The following CSMD1 variants were observed in gnomAD, a reference collection of about 807,000 sequenced individuals.
CSMD1 encodes CUB and Sushi multiple domains 1, also known as CUB and sushi domain-containing protein 1.
CSMD1 carries 213 observed loss-of-function variants against 417.5 expected under a neutral mutation model. That is an observed-to-expected ratio of 0.51 (90% CI 0.46 to 0.57). The LOEUF is 0.57. CSMD1 is among the 20% of genes least tolerant of loss of function. The pLI, the probability that CSMD1 is intolerant of heterozygous loss-of-function variation, is 0.00. For synonymous variants in CSMD1, 2,862 were observed against 1,736.8 expected (o/e 1.65, Z -16.11); for missense variants, 6,923 against 4,529.7 (o/e 1.53, Z -15.17).
rs1800032074 is a variant in CSMD1 at position 4,592,310 on chromosome 8, G to C, written c.302+45032C>G. Among the ~76,000 whole-genome samples the C allele has an allele frequency of 1.3e-5, 2 of 151,564 alleles. 1 individual carries two copies. Among genetic ancestry groups the C allele is most frequent in the South Asian group, 4.2e-4 (2 of 4,770 alleles). On this transcript the variant is annotated intron_variant, in intron 2 of 69. Coordinates refer to ENST00000635120, the MANE Select transcript of CSMD1 (RefSeq NM_033225.6). ...AAGTGGTATATTTACAGTGGTAATT[G>C]GAATGCTTTTAAATTATTCCATTAA...
At chr8:3,932,732 A>C (rs2554658) in intron 5 of CSMD1, among the ~76,000 whole-genome samples, 61,389 of 149,986 alleles carry the variant, frequency 0.41, 14,506 homozygotes, top group East Asian at 0.5. Flanking sequence ...TGATTAGAAA[A>C]AATAGTGTAA....
intron 36 of CSMD1, among the ~76,000 whole-genome samples, chr8:3,184,003 T>C (rs1821596141): frequency 6.6e-6 from 1 of 152,204 alleles, no homozygotes; most frequent in Non-Finnish European, 1.5e-5. Context: ...GTATATATGA[T>C]GAGACATGTT....
At chr8:4,028,700 C>G (rs1270238850) in intron 4 of CSMD1, among the ~76,000 whole-genome samples, 2 of 152,114 alleles carry the variant, frequency 1.3e-5, no homozygotes, top group Non-Finnish European at 2.9e-5. Flanking sequence ...CAAATTAAAA[C>G]TCTATTTCTT....
chr8:3,595,828 A>T (rs147555311), intron 8 of CSMD1, among the ~76,000 whole-genome samples: 26 of 152,324 alleles, frequency 1.7e-4, no homozygotes, highest in African/African-American at 6.0e-4. Flanking sequence ...ACCTATCTAT[A>T]CAAAGGCAAA....
chr8:4,781,261 C>G (rs951718610), intron 1 of CSMD1, among the ~76,000 whole-genome samples: 1 of 152,212 alleles, frequency 6.6e-6, no homozygotes, highest in Non-Finnish European at 1.5e-5. Flanking sequence ...AGGGAATGCC[C>G]TCCTGCAGTG....
intron 2 of CSMD1, among the ~76,000 whole-genome samples, chr8:4,456,335 A>G (rs147260535): frequency 9.8e-4 from 149 of 152,336 alleles, no homozygotes; most frequent in Non-Finnish European, 1.8e-3. Flanking sequence ...AATTAGTCAT[A>G]GAGCAGGAAC....
intron 23 of CSMD1, among the ~76,000 whole-genome samples, chr8:3,314,453 A>G (rs1248222282): frequency 6.6e-6 from 1 of 152,142 alleles, no homozygotes; most frequent in Non-Finnish European, 1.5e-5. Context: ...GCAATTATTC[A>G]GGGCACAAAT....
chr8:3,921,093 A>C (rs900251956), intron 5 of CSMD1, among the ~76,000 whole-genome samples: 12 of 152,110 alleles, frequency 7.9e-5, no homozygotes, highest in African/African-American at 2.9e-4. Context: ...GAAGGTATCT[A>C]TTTATGGGTT....
At chr8:3,579,533 T>C (rs977281856) in intron 9 of CSMD1, among the ~76,000 whole-genome samples, 3 of 152,140 alleles carry the variant, frequency 2.0e-5, no homozygotes, top group Admixed American at 6.5e-5. Flanking sequence ...ATAGCCTATT[T>C]CTCATATGTT....
At chr8:4,254,049 T>C (rs1585103859) in intron 3 of CSMD1, among the ~76,000 whole-genome samples, 1 of 151,056 alleles carries the variant, frequency 6.6e-6, no homozygotes, top group South Asian at 2.1e-4. Flanking sequence ...CCCAAGTAGC[T>C]GGGACTACTG....
intron 19 of CSMD1, among the ~76,000 whole-genome samples, chr8:3,368,784 G>C (rs1414663533): frequency 6.6e-6 from 1 of 152,170 alleles, no homozygotes; most frequent in Non-Finnish European, 1.5e-5. Flanking sequence ...AATGAGGATA[G>C]AAATATCTAT....
chr8:4,428,591 C>T (rs1198459964), intron 2 of CSMD1, among the ~76,000 whole-genome samples: 1 of 152,048 alleles, frequency 6.6e-6, no homozygotes, highest in Non-Finnish European at 1.5e-5. Flanking sequence ...ATGACACTTT[C>T]AGTAATACTA....
chr8:3,927,341 C>G (rs187223084), intron 5 of CSMD1, among the ~76,000 whole-genome samples: 1 of 151,678 alleles, frequency 6.6e-6, no homozygotes, highest in Non-Finnish European at 1.5e-5. Flanking sequence ...TATGAGTATT[C>G]AATGGAAAAA....
chr8:4,097,773 G>A (rs549790449), intron 3 of CSMD1, among the ~76,000 whole-genome samples: 15 of 152,148 alleles, frequency 9.9e-5, no homozygotes, highest in Admixed American at 9.8e-4. Flanking sequence ...GGGTAAGTAC[G>A]AACATTAGTT....
At chr8:3,671,410 C>G (rs1293220245) in intron 7 of CSMD1, among the ~76,000 whole-genome samples, 2 of 146,570 alleles carry the variant, frequency 1.4e-5, no homozygotes, top group Admixed American at 1.4e-4. Flanking sequence ...ATCTTAAATA[C>G]ATCCTAACAG....
intron 21 of CSMD1, among the ~76,000 whole-genome samples, chr8:3,352,519 CACTT>C (rs1398176271): frequency 1.1e-4 from 17 of 152,088 alleles, no homozygotes; most frequent in African/African-American, 3.9e-4. Context: ...GTCTATTTGT[CACTT>C]ACACAGTGCA....
chr8:4,757,427 T>G (rs1811736971), intron 1 of CSMD1, among the ~76,000 whole-genome samples: 1 of 152,152 alleles, frequency 6.6e-6, no homozygotes, highest in African/African-American at 2.4e-5. Context: ...AATTATGAGC[T>G]GTGATCCTGG....
At chr8:3,988,853 A>G (rs1814528231) in intron 5 of CSMD1, among the ~76,000 whole-genome samples, 1 of 152,192 alleles carries the variant, frequency 6.6e-6, no homozygotes, top group Non-Finnish European at 1.5e-5. Context: ...CTTTAAAGTG[A>G]TATTATTACT....
At chr8:4,710,433 TAA>T (rs1808213000) in intron 1 of CSMD1, among the ~76,000 whole-genome samples, 1 of 147,322 alleles carries the variant, frequency 6.8e-6, no homozygotes, top group African/African-American at 2.5e-5. Context: ...TAATACAATA[TAA>T]ACTTTATATA....
Sources: gnomAD v4.1 joint callset for allele counts (sites outside exome capture counted in the v4.1 genomes callset) on GRCh38, gnomAD v4.1.1 for gene constraint, MANE v1.5 for transcripts, NCBI Gene and HGNC (gene_info 2026-07-23, HGNC 2026-07-21) for gene names.